Variants in PAIP2 observed in about 807,000 individuals in gnomAD.
PAIP2 encodes poly(A) binding protein interacting protein 2, also known as polyadenylate-binding protein-interacting protein 2.
A neutral mutation model predicts 14.8 loss-of-function variants in PAIP2; 7 were observed. The ratio of observed to expected loss-of-function variants is 0.47; its 90% CI spans 0.27 to 0.89. The LOEUF is 0.89. Among genes scored for constraint, PAIP2 ranks in the 40% least tolerant of loss-of-function variants. The pLI is 0.13. For missense variants in PAIP2, 122 were observed against 154.7 expected, an observed-to-expected ratio of 0.79 and a Z score of 1.12; for synonymous variants, 47 against 45.3, an observed-to-expected ratio of 1.04 and a Z score of -0.15.
chr5:139,362,407 T>G (rs1449321685), intron 1 of PAIP2, among the ~76,000 whole-genome samples: 2 of 136,852 alleles, frequency 1.5e-5, no homozygotes, highest in African/African-American at 5.9e-5. Flanking sequence ...TTTTGGGTGT[T>G]TTTTTTTTTT....
intron 1 of PAIP2, among the ~76,000 whole-genome samples, chr5:139,357,486 G>C (rs1260120729): frequency 1.3e-5 from 2 of 152,114 alleles, no homozygotes; most frequent in Non-Finnish European, 2.9e-5. Flanking sequence ...GCAAACTCTT[G>C]AGCCAGTCCT....
At chr5:139,362,361 C>T (rs1386810443) in intron 1 of PAIP2, among the ~76,000 whole-genome samples, 1 of 149,692 alleles carries the variant, frequency 6.7e-6, no homozygotes, top group Non-Finnish European at 1.5e-5. Flanking sequence ...GCTGGGATTA[C>T]AGGCATGTAC....
Position 139,369,025 on chromosome 5 carries a change from G to T in PAIP2, c.*227G>T. 1 of 402,646 alleles carries T rather than the reference G, an allele frequency of 2.5e-6. No individual in the cohort carries two copies. The allele number at this position is 402,646 out of a possible 1,614,324, so 24.9% of individuals were successfully genotyped here. ...GGCCCCATGGCTTGATGTGAAGACA[G>T]CAAGGAAAGAAGCACCAGTCAAGTT... On this transcript the variant is annotated 3_prime_UTR_variant, in exon 4 of 4. Coordinates refer to ENST00000265192, the MANE Select transcript of PAIP2 (RefSeq NM_016480.5).
intron 1 of PAIP2, among the ~76,000 whole-genome samples, chr5:139,349,581 T>G (rs1756663971): frequency 6.6e-6 from 1 of 152,176 alleles, no homozygotes; most frequent in African/African-American, 2.4e-5. Context: ...GGAAAATAGT[T>G]AAAGTTATTA....
intron 1 of PAIP2, among the ~76,000 whole-genome samples, chr5:139,345,116 GC>G (rs1372387061): frequency 6.6e-6 from 1 of 151,596 alleles, no homozygotes; most frequent in African/African-American, 2.4e-5. Flanking sequence ...CGCGATCTCG[GC>G]TCACTGCACG....
chr5:139,359,484 T>G (rs1235183291), intron 1 of PAIP2, among the ~76,000 whole-genome samples: 1 of 151,966 alleles, frequency 6.6e-6, no homozygotes, highest in African/African-American at 2.4e-5. Context: ...GGATACAAAT[T>G]GGGAAAATAA....
intron 1 of PAIP2, among the ~76,000 whole-genome samples, chr5:139,354,773 T>G (rs894011387): frequency 8.6e-5 from 13 of 152,012 alleles, no homozygotes; most frequent in Non-Finnish European, 1.8e-4. Flanking sequence ...GTCTCTCTGC[T>G]CATATCTGCT....
rs913250478 is a variant in PAIP2, at chr5:139,369,030, G to A, written c.*232G>A. 54 of 394,342 alleles carry A rather than the reference G, an allele frequency of 1.4e-4. No individual in the cohort carries two copies. Among genetic ancestry groups the A allele is most frequent in the Non-Finnish European group, 2.1e-4 (47 of 219,674 alleles). 24.4% of individuals were successfully genotyped at this position (394,342 alleles called of 1,614,324 possible). ...CATGGCTTGATGTGAAGACAGCAAG[G>A]AAAGAAGCACCAGTCAAGTTGTGAA... On this transcript the variant is annotated 3_prime_UTR_variant, in exon 4 of 4. Transcript: ENST00000265192.
At chr5:139,353,268 T>C (rs757204811) in intron 1 of PAIP2, among the ~76,000 whole-genome samples, 25 of 152,148 alleles carry the variant, frequency 1.6e-4, no homozygotes, top group Admixed American at 1.0e-3. Flanking sequence ...ATTAGGGCCT[T>C]CTTTTGTGTT....
intron 2 of PAIP2, among the ~76,000 whole-genome samples, chr5:139,364,221 A>ACT (rs1757152625): frequency 6.6e-6 from 1 of 152,150 alleles, no homozygotes; most frequent in South Asian, 2.1e-4. Context: ...TGTGGAAACC[A>ACT]CTGCCTTATG....
rs754678855 is a variant in PAIP2 at position 139,364,648 on chromosome 5, A to T, written c.223A>T (p.Ile75Phe). The T allele has an allele frequency of 2.5e-6, 4 of 1,611,774 alleles. No homozygotes were observed. In the African/African-American group the frequency reaches 5.3e-5, roughly 22 times the overall value. ...LEEEEEHEWFIPARDLPQTMD... is the reference protein window; with the variant it reads ...LEEEEEHEWFFPARDLPQTMD... ...AGAGGAAGAAGAGCATGAATGGTTTATTCCAGCTCGAGATCTCCCACAAAC... is the reference window on the plus strand; with the variant it reads ...AGAGGAAGAAGAGCATGAATGGTTTTTTCCAGCTCGAGATCTCCCACAAAC... The change falls in exon 3 of 4, where the codon ATT (isoleucine) becomes TTT (phenylalanine). Residue 75 changes from isoleucine to phenylalanine, a missense_variant. By Grantham distance (21) the Ile-to-Phe change is conservative. Coordinates refer to ENST00000265192, the MANE Select transcript of PAIP2 (RefSeq NM_016480.5).
chr5:139,364,474 G>A, intron 2 of PAIP2, 90 bp from the exon 3 acceptor site: 1 of 698,284 alleles, frequency 1.4e-6, no homozygotes, highest in Non-Finnish European at 2.3e-6. Context: ...ATGACTTTGT[G>A]CCTTTAAATG....
At chr5:139,352,488 G>GTTTTTTTTTTTTTTTTTTT (rs1185620394) in intron 1 of PAIP2, among the ~76,000 whole-genome samples, 23 of 94,830 alleles carry the variant, frequency 2.4e-4, no homozygotes, top group African/African-American at 7.0e-4. Context: ...ATTCCTGCCA[G>GTTTTTTTTTTTTTTTTTTT]TTTTTTTTTT....
intron 1 of PAIP2, among the ~76,000 whole-genome samples, chr5:139,362,403 G>GTTT (rs1757092680): frequency 1.6e-4 from 20 of 123,606 alleles, no homozygotes; most frequent in African/African-American, 6.3e-4. Context: ...TTGTTTTTGG[G>GTTT]TGTTTTTTTT....
rs1275169776 is a variant in PAIP2, at chr5:139,368,932, A to G, written c.*134A>G. On this transcript the variant is annotated 3_prime_UTR_variant, in exon 4 of 4. Coordinates refer to ENST00000265192, the MANE Select transcript of PAIP2 (RefSeq NM_016480.5). Reference sequence around the variant, plus strand: ...TTGCCAAAGTTTTTGTTAGTCTTGCATGCTTAATAAAAGTGCTGAGACTGT... The same window carrying G: ...TTGCCAAAGTTTTTGTTAGTCTTGCGTGCTTAATAAAAGTGCTGAGACTGT... 1.6e-6 allele frequency: 1 copy of G among 632,594 alleles called. No homozygotes were observed. The highest frequency in any genetic ancestry group is 2.8e-6 in the Non-Finnish European group (1 of 354,978). 39.2% of individuals were successfully genotyped at this position (632,594 alleles called of 1,614,324 possible).
rs536815743 is a variant in PAIP2 at position 139,356,608 on chromosome 5, G to A, written c.-26-7151G>A. Among the ~76,000 whole-genome samples, 19 of 152,170 alleles carry A rather than the reference G, an allele frequency of 1.2e-4. No individual in the cohort carries two copies. In the Middle Eastern group the frequency reaches 0.014, roughly 109 times the overall value. ...GAAAATGACATTTCGGGCTGGGCACGGTGACTTACGCCTGTAATCCCAACA... is the reference window on the plus strand; with the variant it reads ...GAAAATGACATTTCGGGCTGGGCACAGTGACTTACGCCTGTAATCCCAACA... On this transcript the variant is annotated intron_variant, in intron 1 of 3. Transcript: ENST00000265192.
chr5:139,354,908 C>T (rs1756862195), intron 1 of PAIP2, among the ~76,000 whole-genome samples: 1 of 151,448 alleles, frequency 6.6e-6, no homozygotes, highest in Non-Finnish European at 1.5e-5. Context: ...ACAGCCTCCA[C>T]CTCCAGGTTC....
intron 2 of PAIP2, among the ~76,000 whole-genome samples, 162 bp from the exon 3 acceptor site, chr5:139,364,401 AG>A (rs1182477947): frequency 6.6e-6 from 1 of 152,214 alleles, no homozygotes; most frequent in Non-Finnish European, 1.5e-5. Context: ...CTAAACAGAT[AG>A]ATCTTCGCCG....
intron 1 of PAIP2, among the ~76,000 whole-genome samples, chr5:139,359,741 G>C (rs1417188500): frequency 6.6e-6 from 1 of 151,510 alleles, no homozygotes; most frequent in East Asian, 2.1e-4. Context: ...AGGCTGAGGT[G>C]GGCGGATCAC....
Sources: gnomAD v4.1 joint callset for allele counts (sites outside exome capture counted in the v4.1 genomes callset) on GRCh38, gnomAD v4.1.1 for gene constraint, MANE v1.5 for transcripts, NCBI Gene and HGNC (gene_info 2026-07-23, HGNC 2026-07-21) for gene names.